The following ADGRV1 variants were observed in gnomAD, a reference collection of about 807,000 sequenced individuals.
The protein encoded by ADGRV1 is adhesion G protein-coupled receptor V1, also known as G-protein coupled receptor 98.
ADGRV1 carries 359 observed loss-of-function variants against 596.2 expected under a neutral mutation model. The ratio of observed to expected loss-of-function variants is 0.60; its 90% CI spans 0.55 to 0.66. The LOEUF is 0.66. Among genes scored for constraint, ADGRV1 ranks in the 30% least tolerant of loss-of-function variants. The probability of loss-of-function intolerance (pLI) is 0.00; values close to 1 mark genes in which losing one functional copy is unlikely to be tolerated. For synonymous variants in ADGRV1, 2,681 were observed against 2,679.2 expected, an observed-to-expected ratio of 1.00 and a Z score of -0.02; for missense variants, 7,274 against 7,575.6, an observed-to-expected ratio of 0.96 and a Z score of 1.48.
intron 83 of ADGRV1, among the ~76,000 whole-genome samples, chr5:90,916,326 G>A (rs1773347517): frequency 6.6e-6 from 1 of 151,976 alleles, no homozygotes; most frequent in African/African-American, 2.4e-5. Flanking sequence ...AATATATGAA[G>A]ATATTTTTTA....
intron 85 of ADGRV1, among the ~76,000 whole-genome samples, chr5:91,000,229 T>G (rs532080392): frequency 6.6e-6 from 1 of 152,284 alleles, no homozygotes; most frequent in South Asian, 2.1e-4. Flanking sequence ...GAATTTCCCA[T>G]GCATTGAGTA....
chr5:90,734,925 A>G (rs1753026130), intron 50 of ADGRV1, among the ~76,000 whole-genome samples: 1 of 152,216 alleles, frequency 6.6e-6, no homozygotes, highest in Admixed American at 6.5e-5. Flanking sequence ...TAGTTTGGAT[A>G]TTAACCATTT....
chr5:91,149,887 C>T, intron 87 of ADGRV1, 143 bp from the exon 88 acceptor site: 1 of 490,528 alleles, frequency 2.0e-6, no homozygotes, highest in Non-Finnish European at 3.3e-6. Context: ...ACAAATTACC[C>T]AGTCTTGGGT....
At position 90,756,502 on chromosome 5, in the gene ADGRV1, G is replaced by T. The variant is rs185296114; in HGVS notation, c.11629G>T (p.Val3877Leu). 85 of 1,605,482 alleles carry T rather than the reference G, an allele frequency of 5.3e-5. No individual in the cohort carries two copies. The East Asian group carries it at 1.9e-3, about 36-fold the overall frequency. Reference sequence around the variant, plus strand: ...AGGATTTATTGTCACTATCACTGAGGTGAACCTGGTGAACTCTGACTTCTC... The same window carrying T: ...AGGATTTATTGTCACTATCACTGAGTTGAACCTGGTGAACTCTGACTTCTC... ...EEGFIVTITE[V>L]NLVNSDFSTG... Residue 3877 changes from valine (V) to leucine (L), a missense_variant, in exon 56 of 90, where the codon GTG (valine) becomes TTG (leucine). By Grantham distance (32) the Val-to-Leu change is conservative (BLOSUM62 1). Coordinates refer to ENST00000405460, the MANE Select transcript of ADGRV1 (RefSeq NM_032119.4).
chr5:90,566,563 C>T (rs192817536), intron 1 of ADGRV1, among the ~76,000 whole-genome samples: 1 of 152,040 alleles, frequency 6.6e-6, no homozygotes. Context: ...TAAATTTCTT[C>T]CTAAGCATTT....
At chr5:90,679,528 T>C in intron 25 of ADGRV1, 21 bp from the exon 26 acceptor site, 1 of 1,586,660 alleles carries the variant, frequency 6.3e-7, no homozygotes, top group Non-Finnish European at 8.7e-7. Context: ...GTGGGTTGTG[T>C]CTCTGTGTCT....
chr5:90,608,885 A>G (rs1289046182), intron 1 of ADGRV1, among the ~76,000 whole-genome samples: 1 of 152,132 alleles, frequency 6.6e-6, no homozygotes, highest in Non-Finnish European at 1.5e-5. Flanking sequence ...GGTCTAGGAA[A>G]GTGCAAGTTA....
chr5:90,652,198 T>A, intron 18 of ADGRV1, 148 bp from the exon 19 acceptor site: 1 of 478,152 alleles, frequency 2.1e-6, no homozygotes, highest in Non-Finnish European at 3.7e-6. Context: ...TCTCTTCCCA[T>A]GAAATTCTTC....
intron 61 of ADGRV1, among the ~76,000 whole-genome samples, chr5:90,777,663 T>C (rs1256524211): frequency 1.3e-5 from 2 of 152,182 alleles, no homozygotes; most frequent in African/African-American, 4.8e-5. Context: ...CCTTCTGCTT[T>C]TAGTAATCAG....
At chr5:91,127,403 G>A (rs561766847) in intron 87 of ADGRV1, among the ~76,000 whole-genome samples, 5 of 152,068 alleles carry the variant, frequency 3.3e-5, no homozygotes, top group African/African-American at 1.2e-4. Context: ...AACTAGGCAT[G>A]GTAGTGTGCC....
At position 90,783,279 on chromosome 5, in the gene ADGRV1, CA is replaced by C. The variant is rs2150102886; in HGVS notation, c.13391del (p.Asn4464ThrfsTer2). 1 of 1,613,202 alleles carries C rather than the reference CA, an allele frequency of 6.2e-7. No homozygotes were observed. Among genetic ancestry groups the C allele is most frequent in the Non-Finnish European group, 8.5e-7 (1 of 1,179,440 alleles). Reference protein sequence around the residue: ...HGSTVTFQHGQNLSFINISII... With the variant: ...HGSTVTFQHGXNLSFINISII... ...CAGTACAGTCACCTTTCAGCATGGGCAAAACTTAAGTTTTATAAATATCTCC... is the reference window on the plus strand; with the variant it reads ...CAGTACAGTCACCTTTCAGCATGGGCAAACTTAAGTTTTATAAATATCTCC... On this transcript the variant is annotated frameshift_variant, in exon 66 of 90. Coordinates refer to ENST00000405460, the MANE Select transcript of ADGRV1 (RefSeq NM_032119.4). LOFTEE classifies it high-confidence loss of function.
At chr5:90,642,585 A>C in intron 11 of ADGRV1, 51 bp from the exon 12 acceptor site, 1 of 1,592,290 alleles carries the variant, frequency 6.3e-7, no homozygotes, top group South Asian at 1.2e-5. Flanking sequence ...TGCAAAATTC[A>C]GAAGTAAAAC....
intron 35 of ADGRV1, among the ~76,000 whole-genome samples, chr5:90,704,113 T>C (rs138525413): frequency 2.7e-3 from 404 of 152,324 alleles, no homozygotes; most frequent in African/African-American, 9.2e-3. Flanking sequence ...TCTCCAACTT[T>C]GTGCTTTGAG....
chr5:90,889,603 T>A (rs1770618260), intron 83 of ADGRV1, among the ~76,000 whole-genome samples: 1 of 152,160 alleles, frequency 6.6e-6, no homozygotes, highest in Non-Finnish European at 1.5e-5. Flanking sequence ...TTTTATTTTT[T>A]CCTCATTTTT....
chr5:90,564,467 C>T (rs913187780), intron 1 of ADGRV1, among the ~76,000 whole-genome samples: 1 of 151,984 alleles, frequency 6.6e-6, no homozygotes, highest in African/African-American at 2.4e-5. Context: ...TTGTCCCAGA[C>T]ACGTATTAGA....
chr5:91,134,430 C>T (rs1455016901), intron 87 of ADGRV1, among the ~76,000 whole-genome samples: 2 of 152,058 alleles, frequency 1.3e-5, no homozygotes, highest in African/African-American at 4.8e-5. Flanking sequence ...GAAGTGATCC[C>T]CACCCTGCCA....
At chr5:90,965,359 A>T in intron 83 of ADGRV1, 56 bp from the exon 84 acceptor site, 1 of 1,101,582 alleles carries the variant, frequency 9.1e-7, no homozygotes, top group Non-Finnish European at 1.4e-6. Context: ...TTACTTTCTT[A>T]ATATTCTTCA....
In ADGRV1 at chr5:90,778,601, G is replaced by A. The variant is rs772298338; in HGVS notation, c.12841G>A (p.Ala4281Thr). The A allele has an allele frequency of 1.3e-6, 2 of 1,596,278 alleles. No homozygotes were observed. Among genetic ancestry groups the A allele is most frequent in the Non-Finnish European group, 1.7e-6 (2 of 1,170,734 alleles). The change falls in exon 63 of 90, where the codon GCA becomes ACA. Residue 4281 changes from alanine to threonine, a missense_variant. Physicochemically the swap from Ala to Thr is moderately conservative, Grantham distance 58. Around this residue, in one of 5 missense-constraint regions of ADGRV1, gnomAD observed 3,643 missense variants for 3,809.2 expected, o/e 0.96. Transcript: ENST00000405460. ...ACATGAGCAACTTCGAGTGTCAGAA[G>A]CACAGAGGGTATAGTATGAAATGCT... ...FSHEQLRVSEAQRVNITIIRS... is the reference protein window; with the variant it reads ...FSHEQLRVSETQRVNITIIRS...
intron 53 of ADGRV1, 32 bp from the exon 54 acceptor site, chr5:90,753,542 A>G (rs1437883912): frequency 1.3e-6 from 2 of 1,521,462 alleles, no homozygotes; most frequent in Admixed American, 1.7e-5. Flanking sequence ...CAATTACAAA[A>G]TAAATAACAT....
Sources: gnomAD v4.1 joint callset for allele counts (sites outside exome capture counted in the v4.1 genomes callset) on GRCh38, gnomAD v4.1.1 for gene constraint, gnomAD v4.1.1 regional missense constraint, MANE v1.5 for transcripts, NCBI Gene and HGNC (gene_info 2026-07-23, HGNC 2026-07-21) for gene names.